Variants in IL15RA observed in about 807,000 individuals in gnomAD.
IL15RA encodes the protein interleukin 15 receptor subunit alpha, also known as interleukin-15 receptor subunit alpha.
IL15RA carries 26 observed loss-of-function variants against 24.2 expected under a neutral mutation model. The observed-to-expected ratio is 1.07, with a 90% CI of 0.79 to 1.49. The LOEUF (loss-of-function observed/expected upper bound fraction) is 1.49. Ranked by LOEUF, IL15RA falls within the 40% of genes most tolerant of loss-of-function variation. The pLI is 0.00. For synonymous variants in IL15RA, 166 were observed against 157.6 expected (o/e 1.05, Z -0.40); for missense variants, 354 against 356.4 (o/e 0.99, Z 0.05).
rs572384917 is a variant in IL15RA at position 5,961,545 on chromosome 10, G to A, written c.383-978C>T. 1.8e-4 allele frequency among the ~76,000 whole-genome samples: 27 copies of A among 152,366 alleles called. No individual in the cohort carries two copies. The highest frequency in any genetic ancestry group is 5.5e-4 in the African/African-American group (23 of 41,594). ...TGCGCTGGCCGAGGACGCTCGGAGC[G>A]GCTGCGTGTGAAACACGGGAAGCCT... On this transcript the variant is annotated intron_variant, in intron 3 of 6. Transcript: ENST00000379977. The surrounding 1 kb of genome is among the most constrained non-coding windows in gnomAD (Gnocchi z 5.2).
chr10:5,978,585 T>G (rs1240960644), upstream of IL15RA, among the ~76,000 whole-genome samples: 1 of 152,214 alleles, frequency 6.6e-6, no homozygotes, highest in African/African-American at 2.4e-5. This position sits in a 1 kb window ranked among gnomAD's most constrained non-coding sequence, Gnocchi z 5.2. Flanking sequence ...CTTATAACCC[T>G]GAACTTAAAA....
intron 5 of IL15RA, among the ~76,000 whole-genome samples, chr10:5,957,422 G>T (rs1044554289): frequency 2.7e-5 from 4 of 150,594 alleles, no homozygotes; most frequent in African/African-American, 9.8e-5. Context: ...ACTACAGGCA[G>T]GTGCCACCAT....
rs1283452714 is a variant in IL15RA at position 5,962,003 on chromosome 10, C to T, written c.383-1436G>A. The stretch of plus-strand genomic sequence containing the variant: ...CCAAGTGCCCACGGTCGTGCCAGCT[C>T]GGGTCAAAGGCTGCTGTCACATCGG... On this transcript the variant is annotated intron_variant, in intron 3 of 6. Coordinates refer to ENST00000379977, the MANE Select transcript of IL15RA (RefSeq NM_002189.4). This position sits in a 1 kb window ranked among gnomAD's most constrained non-coding sequence, Gnocchi z 5.2. Among the ~76,000 whole-genome samples, 3 of 152,318 alleles carry T rather than the reference C, an allele frequency of 2.0e-5. No individual in the cohort carries two copies. Among genetic ancestry groups the T allele is most frequent in the Admixed American group, 6.5e-5 (1 of 15,300 alleles).
chr10:5,953,241 G>A lies in IL15RA; in HGVS notation c.693-35C>T, dbSNP rs1834045656. 4.0e-6 allele frequency: 6 copies of A among 1,492,542 alleles called. No homozygotes were observed. In the East Asian group the frequency reaches 1.4e-4, roughly 34 times the overall value. 92.5% of individuals were successfully genotyped at this position (1,492,542 alleles called of 1,614,324 possible). Reference sequence around the variant, plus strand: ...AGGTGGTTCATAGGTTTTGAAAAGAGGAGGGGGTTGCCCTCAAATCAACAG... The same window carrying A: ...AGGTGGTTCATAGGTTTTGAAAAGAAGAGGGGGTTGCCCTCAAATCAACAG... On this transcript the variant is annotated intron_variant, in intron 6 of 6. Transcript: ENST00000379977. The surrounding 1 kb of genome is among the most constrained non-coding windows in gnomAD (Gnocchi z 5.3).
chr10:5,952,590 C>G lies in IL15RA; in HGVS notation c.*505G>C, dbSNP rs8177749. 2.1e-3 allele frequency: 327 copies of G among 158,960 alleles called. No homozygotes were observed. Among genetic ancestry groups the G allele is most frequent in the African/African-American group, 7.1e-3 (295 of 41,590 alleles). The allele number at this position is 158,960 out of a possible 1,614,324, so 9.8% of individuals were successfully genotyped here. ...CATCTCTCCCACCTTTCCCAGGTCCCTGTCCATGTGTGCAGAGCAGCTGGA... is the reference window on the plus strand; with the variant it reads ...CATCTCTCCCACCTTTCCCAGGTCCGTGTCCATGTGTGCAGAGCAGCTGGA... On this transcript the variant is annotated 3_prime_UTR_variant, in exon 7 of 7. Transcript: ENST00000379977.
chr10:5,974,493 G>A (rs551948578), intron 1 of IL15RA, among the ~76,000 whole-genome samples: 1 of 152,028 alleles, frequency 6.6e-6, no homozygotes, highest in Non-Finnish European at 1.5e-5. Flanking sequence ...GCTGACAAGG[G>A]TGTGAAGGAA....
rs1489422771 is a variant in IL15RA, at chr10:5,967,639, T to C, written c.89-1300A>G. Among the ~76,000 whole-genome samples, 3 of 152,250 alleles carry C rather than the reference T, an allele frequency of 2.0e-5. No individual in the cohort carries two copies. Among genetic ancestry groups the C allele is most frequent in the African/African-American group, 7.2e-5 (3 of 41,472 alleles). Reference sequence around the variant, plus strand: ...AATGCTTTCCATTCCCAGGATATAGTGCATTGGAGAGAGAGTGGATGAACC... The same window carrying C: ...AATGCTTTCCATTCCCAGGATATAGCGCATTGGAGAGAGAGTGGATGAACC... On this transcript the variant is annotated intron_variant, in intron 1 of 6. Transcript: ENST00000379977. This position sits in a 1 kb window ranked among gnomAD's most constrained non-coding sequence, Gnocchi z 4.4.
chr10:5,977,581 C>A, upstream of IL15RA: 1 of 1,256,858 alleles, frequency 8.0e-7, no homozygotes, highest in African/African-American at 1.5e-5. Flanking sequence ...TGGGACCTGC[C>A]GCCCCGCCAG....
Position 5,958,904 on chromosome 10 carries a change from C to G in IL15RA, c.616+850G>C, listed in dbSNP as rs1393825046. 6.6e-6 allele frequency among the ~76,000 whole-genome samples: 1 copy of G among 152,164 alleles called. No individual in the cohort carries two copies. Among genetic ancestry groups the G allele is most frequent in the Non-Finnish European group, 1.5e-5 (1 of 68,036 alleles). ...ACTTTGGAAGCTTGTCAGCCTGGAG[C>G]ATGACTTGCATTCTTCTCATTACCT... On this transcript the variant is annotated intron_variant, in intron 5 of 6. Transcript: ENST00000379977. This position sits in a 1 kb window ranked among gnomAD's most constrained non-coding sequence, Gnocchi z 4.3.
chr10:5,977,404 C>T lies in IL15RA; in HGVS notation c.88+1G>A. On this transcript the variant is annotated splice_donor_variant, in intron 1 of 6. Coordinates refer to ENST00000379977, the MANE Select transcript of IL15RA (RefSeq NM_002189.4). LOFTEE classifies it high-confidence loss of function. ...GGGCGCCCCTGCTCCCAGCTCCCTA[C>T]CCCGCGTCGCCGGCGGCCGGAGCAG... 1.5e-6 allele frequency: 2 copies of T among 1,321,088 alleles called. No homozygotes were observed. Among genetic ancestry groups the T allele is most frequent in the Non-Finnish European group, 1.9e-6 (2 of 1,031,350 alleles). 81.8% of individuals were successfully genotyped at this position (1,321,088 alleles called of 1,614,324 possible).
At chr10:5,952,212 G>A (rs552537986), downstream of IL15RA, among the ~76,000 whole-genome samples, 4 of 152,210 alleles carry the variant, frequency 2.6e-5, no homozygotes, top group South Asian at 8.3e-4. Flanking sequence ...CTCCTCACAT[G>A]GAATTGTGGG....
rs1837111422 is a variant in IL15RA at position 5,969,032 on chromosome 10, G to A, written c.89-2693C>T. The A allele has an allele frequency of 4.1e-6, 6 of 1,470,214 alleles. No individual in the cohort carries two copies. The South Asian group carries it at 5.1e-5, about 12-fold the overall frequency. 91.1% of individuals were successfully genotyped at this position (1,470,214 alleles called of 1,614,324 possible). On this transcript the variant is annotated intron_variant, in intron 1 of 6. Transcript: ENST00000379977. ...CCTGAGCAAGGACTAAGTGTATTGT[G>A]TGTGTTTCTGGCTGACTCACCAATC...
At chr10:5,978,400 G>A (rs1838768640), upstream of IL15RA, among the ~76,000 whole-genome samples, 1 of 152,116 alleles carries the variant, frequency 6.6e-6, no homozygotes, top group Non-Finnish European at 1.5e-5. This position sits in a 1 kb window ranked among gnomAD's most constrained non-coding sequence, Gnocchi z 5.2. Context: ...AGATTCTCAG[G>A]TCTAGCGGTG....
chr10:5,960,378 T>C lies in IL15RA; in HGVS notation c.572A>G (p.His191Arg). ...KNWELTASAS[H>R]QPPGVYPQGH... ...AAGCGAGTGCTAACCTGGCGGCTGG[T>C]GGGAGGCGGATGCTGTGAGTTCCCA... The change falls in exon 4 of 7, where the codon CAC (histidine) becomes CGC (arginine). Residue 191 changes from histidine (H) to arginine (R), a missense_variant. Transcript: ENST00000379977. This position sits in a 1 kb window ranked among gnomAD's most constrained non-coding sequence, Gnocchi z 5.1. 5 of 1,613,872 alleles carry C rather than the reference T, an allele frequency of 3.1e-6. No homozygotes were observed. Among genetic ancestry groups the C allele is most frequent in the Admixed American group, 1.7e-5 (1 of 60,006 alleles).
chr10:5,949,319 T>C (rs1445849551), downstream of IL15RA: 4 of 471,044 alleles, frequency 8.5e-6, no homozygotes, highest in Non-Finnish European at 1.8e-5. The surrounding 1 kb of genome is among the most constrained non-coding windows in gnomAD (Gnocchi z 4.4). Context: ...ACAGCACCAC[T>C]AGAATGGGTG....
At position 5,961,006 on chromosome 10, in the gene IL15RA, C is replaced by T. The variant is rs532760123; in HGVS notation, c.383-439G>A. Among the ~76,000 whole-genome samples, 68 of 152,190 alleles carry T rather than the reference C, an allele frequency of 4.5e-4. No individual in the cohort carries two copies. The highest frequency in any genetic ancestry group is 3.4e-3 in the Middle Eastern group (1 of 294). ...TCAGCTCACTGCAACCTCTGCCTTC[C>T]GGGTTCAGGCAATTCTCCCTGCCTC... On this transcript the variant is annotated intron_variant, in intron 3 of 6. Coordinates refer to ENST00000379977, the MANE Select transcript of IL15RA (RefSeq NM_002189.4). This position sits in a 1 kb window ranked among gnomAD's most constrained non-coding sequence, Gnocchi z 5.2.
rs3136615 is a variant in IL15RA at position 5,963,547 on chromosome 10, C to G, written c.382+196G>C. Reference sequence around the variant, plus strand: ...ACTATTAATTCTGCACATATAACACCTGGATATCAAGCAACTTTGATTTGA... The same window carrying G: ...ACTATTAATTCTGCACATATAACACGTGGATATCAAGCAACTTTGATTTGA... On this transcript the variant is annotated intron_variant, in intron 3 of 6. Transcript: ENST00000379977. This position sits in a 1 kb window ranked among gnomAD's most constrained non-coding sequence, Gnocchi z 5.3. Among the ~76,000 whole-genome samples, 22,103 of 152,216 alleles carry G rather than the reference C, an allele frequency of 0.15. 2,033 individuals are homozygous for G. Among genetic ancestry groups the G allele is most frequent in the Middle Eastern group, 0.2 (58 of 294 alleles).
chr10:5,977,040 G>C (rs1838567184), intron 1 of IL15RA: 2 of 197,836 alleles, frequency 1.0e-5, no homozygotes, highest in Non-Finnish European at 2.0e-5. Context: ...AGGCGCCTGG[G>C]AGAAGCGCAC....
intron 1 of IL15RA, among the ~76,000 whole-genome samples, chr10:5,976,291 TG>T (rs983289122): frequency 9.4e-6 from 1 of 106,360 alleles, no homozygotes; most frequent in African/African-American, 3.6e-5. Context: ...TGGCAGAGGG[TG>T]GGGGGGCGTT....
Sources: gnomAD v4.1 joint callset for allele counts (sites outside exome capture counted in the v4.1 genomes callset) on GRCh38, gnomAD v4.1.1 for gene constraint, Gnocchi (gnomAD v3.1) non-coding constraint, MANE v1.5 for transcripts, NCBI Gene and HGNC (gene_info 2026-07-23, HGNC 2026-07-21) for gene names.